The following XKR9 variants were observed in gnomAD, a reference collection of about 807,000 sequenced individuals.
XKR9 encodes the protein XK related 9, also known as XK-related protein 9.
Under a neutral mutation model 32.0 loss-of-function variants are expected in XKR9, and 32 were observed. That is an observed-to-expected ratio of 1.00 (90% CI 0.76 to 1.34). The LOEUF (loss-of-function observed/expected upper bound fraction) is 1.34. XKR9 is among the 40% of genes most tolerant of loss of function. XKR9 has a pLI of 0.00. For missense variants in XKR9, 546 were observed against 429.7 expected (o/e 1.27, Z -2.39); for synonymous variants, 168 against 143.4 (o/e 1.17, Z -1.22).
chr8:70,734,177 T>C lies in XKR9; in HGVS notation c.875T>C (p.Ile292Thr). ...NTKCPMSCYY[I>T]VRVLGTLGIL... The stretch of plus-strand genomic sequence containing the variant: ...AAGTGTCCAATGTCTTGTTATTATA[T>C]TGTTAGGGTACTGGGCACTTTGGGG... Residue 292 changes from isoleucine (I) to threonine (T), a missense_variant, in exon 5 of 5, where the codon ATT (isoleucine) becomes ACT (threonine). Physicochemically the swap from Ile to Thr is moderately conservative, Grantham distance 89. Coordinates refer to ENST00000408926, the MANE Select transcript of XKR9 (RefSeq NM_001011720.2). 1 of 1,613,420 alleles carries C rather than the reference T, an allele frequency of 6.2e-7. No homozygotes were observed.
At chr8:70,845,755 C>A in the XKR9 span, among the ~76,000 whole-genome samples, 13 of 151,642 alleles carry the variant, frequency 8.6e-5, no homozygotes, top group Non-Finnish European at 1.8e-4. Context: ...CAAAAACAAA[C>A]AAAACAAAGA....
At chr8:70,740,726 G>A (rs1239661563), downstream of XKR9, among the ~76,000 whole-genome samples, 2 of 152,334 alleles carry the variant, frequency 1.3e-5, no homozygotes, top group East Asian at 1.9e-4. Context: ...TTTGCTAGAG[G>A]TCCACTCCAG....
In XKR9 at chr8:70,731,562, C is replaced by T. The variant is rs7463981; in HGVS notation, c.494-2234C>T. The stretch of plus-strand genomic sequence containing the variant: ...AACATTTTCCGTCTAGCAAAATACA[C>T]GTAACAAAACAAGACACCAGTCACC... On this transcript the variant is annotated intron_variant, in intron 4 of 4. Transcript: ENST00000408926. 9.7e-3 allele frequency among the ~76,000 whole-genome samples: 1,477 copies of T among 152,236 alleles called. 24 individuals carry two copies. Among genetic ancestry groups the T allele is most frequent in the African/African-American group, 0.034 (1,407 of 41,526 alleles).
At chr8:70,985,747 CAAA>C in the XKR9 span, among the ~76,000 whole-genome samples, 1 of 151,942 alleles carries the variant, frequency 6.6e-6, no homozygotes, top group South Asian at 2.1e-4. Flanking sequence ...AAAACAAGAA[CAAA>C]TATGGTAAAT....
intron 2 of XKR9, among the ~76,000 whole-genome samples, chr8:70,680,227 G>A (rs570401739): frequency 2.6e-5 from 4 of 152,204 alleles, no homozygotes; most frequent in East Asian, 3.9e-4. Flanking sequence ...GCTGCATGGT[G>A]TATCCTTTAG....
intron 2 of XKR9, among the ~76,000 whole-genome samples, chr8:70,775,933 A>G (rs1001417284): frequency 6.6e-6 from 1 of 151,892 alleles, no homozygotes; most frequent in Non-Finnish European, 1.5e-5. Context: ...TTTTGTCGAG[A>G]TGGGGTCTTG....
chr8:70,798,359 A>C, the XKR9 span, among the ~76,000 whole-genome samples: 5 of 152,116 alleles, frequency 3.3e-5, no homozygotes, highest in African/African-American at 1.2e-4. Flanking sequence ...CCTTCTTTTG[A>C]GAAGTGTCTC....
the XKR9 span, among the ~76,000 whole-genome samples, chr8:70,949,577 A>AGT: frequency 6.6e-6 from 1 of 151,938 alleles, no homozygotes; most frequent in African/African-American, 2.4e-5. Context: ...ACTGCCAAAA[A>AGT]GTGTATCTGT....
At chr8:70,861,405 C>A in the XKR9 span, among the ~76,000 whole-genome samples, 2 of 151,924 alleles carry the variant, frequency 1.3e-5, no homozygotes, top group Non-Finnish European at 2.9e-5. Flanking sequence ...AATCCCAGCA[C>A]TTTGGGAGGC....
At chr8:70,854,964 C>T in the XKR9 span, among the ~76,000 whole-genome samples, 2 of 152,118 alleles carry the variant, frequency 1.3e-5, no homozygotes, top group African/African-American at 4.8e-5. Flanking sequence ...ATGATGCCTC[C>T]AGCTTTGTTC....
chr8:70,779,596 G>C (rs553535871), intron 2 of XKR9, among the ~76,000 whole-genome samples: 1 of 152,142 alleles, frequency 6.6e-6, no homozygotes, highest in East Asian at 1.9e-4. Context: ...GGCTTTTTTT[G>C]GTTGGTAGGC....
the XKR9 span, among the ~76,000 whole-genome samples, chr8:70,981,126 T>C: frequency 0.028 from 4,312 of 152,290 alleles, 179 homozygotes; most frequent in African/African-American, 0.1. Context: ...TAGGTGATGA[T>C]CTTTTTGCGA....
chr8:70,775,154 A>T (rs867356729), intron 2 of XKR9, among the ~76,000 whole-genome samples: 6 of 152,200 alleles, frequency 3.9e-5, no homozygotes, highest in East Asian at 1.9e-4. Flanking sequence ...AACATAACTG[A>T]GTCTTGCATA....
intron 3 of XKR9, among the ~76,000 whole-genome samples, chr8:70,685,728 C>T (rs1819249288): frequency 1.1e-5 from 1 of 91,596 alleles, no homozygotes; most frequent in African/African-American, 4.4e-5. Flanking sequence ...ACTCTGGGGA[C>T]TGTTGTGGGG....
the XKR9 span, among the ~76,000 whole-genome samples, chr8:70,946,431 T>C: frequency 6.6e-6 from 1 of 152,030 alleles, no homozygotes; most frequent in Non-Finnish European, 1.5e-5. Flanking sequence ...GATAATAATG[T>C]CTAACAGTGA....
At chr8:70,759,240 TA>T (rs1405549038) in intron 2 of XKR9, among the ~76,000 whole-genome samples, 2 of 152,202 alleles carry the variant, frequency 1.3e-5, no homozygotes, top group African/African-American at 2.4e-5. Flanking sequence ...TGGAATTTTT[TA>T]AAACAGCTCA....
chr8:70,953,050 A>T, the XKR9 span, among the ~76,000 whole-genome samples: 4 of 152,216 alleles, frequency 2.6e-5, no homozygotes, highest in African/African-American at 9.7e-5. Context: ...GTGCAGGAGG[A>T]TGAGGACAGA....
At chr8:70,938,547 C>G in the XKR9 span, among the ~76,000 whole-genome samples, 25 of 152,032 alleles carry the variant, frequency 1.6e-4, no homozygotes, top group Non-Finnish European at 7.4e-5. Flanking sequence ...CTGGAAAACC[C>G]TCTGTCATTG....
downstream of XKR9, among the ~76,000 whole-genome samples, chr8:70,740,481 C>T (rs1207626505): frequency 6.6e-6 from 1 of 152,216 alleles, no homozygotes; most frequent in Admixed American, 6.5e-5. Flanking sequence ...CAAAGTCATT[C>T]TCTGTCCAGC....
Sources: allele counts gnomAD v4.1 joint callset (sites outside exome capture counted in the v4.1 genomes callset), GRCh38; gene constraint gnomAD v4.1.1; transcripts MANE v1.5; gene names NCBI Gene and HGNC (gene_info 2026-07-23, HGNC 2026-07-21).